The following SAMD8 variants were observed in gnomAD, a reference collection of about 807,000 sequenced individuals.
SAMD8 encodes sphingomyelin synthase-related protein 1.
In SAMD8, 20 loss-of-function variants were observed where a neutral mutation model predicts 42.0. The ratio of observed to expected loss-of-function variants is 0.48; its 90% CI spans 0.34 to 0.69. SAMD8 has a LOEUF of 0.69. SAMD8 is among the 30% of genes least tolerant of loss of function. The probability of loss-of-function intolerance (pLI) is 0.01; values close to 1 mark genes in which losing one functional copy is unlikely to be tolerated. For synonymous variants in SAMD8, 162 were observed against 173.0 expected, an observed-to-expected ratio of 0.94 and a Z score of 0.50; for missense variants, 328 against 511.6, an observed-to-expected ratio of 0.64 and a Z score of 3.46.
upstream of SAMD8, chr10:75,109,278 G>T: frequency 8.3e-7 from 1 of 1,210,140 alleles, no homozygotes; most frequent in South Asian, 1.7e-5. Context: ...GCAAGTCACA[G>T]GGGCCTCTGG....
intron 1 of SAMD8, among the ~76,000 whole-genome samples, chr10:75,132,377 A>T (rs1849292591): frequency 6.6e-6 from 1 of 152,172 alleles, no homozygotes; most frequent in Non-Finnish European, 1.5e-5. Flanking sequence ...AGTGTCTAGA[A>T]TTGGTTCTCT....
chr10:75,160,265 C>T (rs1030308618), intron 2 of SAMD8, among the ~76,000 whole-genome samples: 5 of 151,954 alleles, frequency 3.3e-5, no homozygotes, highest in Non-Finnish European at 4.4e-5. Context: ...GGCGCGATCT[C>T]GGCTCACTGC....
intron 1 of SAMD8, among the ~76,000 whole-genome samples, chr10:75,135,434 CAA>C (rs1361838492): frequency 7.3e-6 from 1 of 136,060 alleles, no homozygotes; most frequent in East Asian, 2.2e-4. Context: ...GCCTGGGCAA[CAA>C]GAGCGAAATT....
intron 1 of SAMD8, among the ~76,000 whole-genome samples, chr10:75,134,427 T>G (rs1428708304): frequency 2.0e-5 from 3 of 151,402 alleles, no homozygotes; most frequent in Non-Finnish European, 4.4e-5. Flanking sequence ...CTGAGGTCAG[T>G]AGTTAGAGAC....
chr10:75,136,756 G>A (rs895556399), intron 1 of SAMD8, among the ~76,000 whole-genome samples: 4 of 152,106 alleles, frequency 2.6e-5, no homozygotes, highest in African/African-American at 9.7e-5. Context: ...TAAAAACATA[G>A]GCAAAAGACT....
At chr10:75,104,221 G>T in intron 1 of SAMD8, 1 of 545,302 alleles carries the variant, frequency 1.8e-6, no homozygotes, top group Non-Finnish European at 2.9e-6. Context: ...CTGTGCATAA[G>T]GTCAAGTGAG....
chr10:75,113,329 T>G (rs1458455002), intron 1 of SAMD8, among the ~76,000 whole-genome samples: 1 of 152,186 alleles, frequency 6.6e-6, no homozygotes, highest in Non-Finnish European at 1.5e-5. Context: ...TTTATGTGAT[T>G]ATAGGTTTGT....
intron 1 of SAMD8, among the ~76,000 whole-genome samples, chr10:75,106,036 G>T (rs937483035): frequency 1.3e-5 from 2 of 151,802 alleles, no homozygotes; most frequent in African/African-American, 4.8e-5. Context: ...AAAATGGGTA[G>T]ATCAACACCT....
rs147312659 is a variant in SAMD8 at position 75,146,894 on chromosome 10, G to T, written c.-15-3620G>T. Among the ~76,000 whole-genome samples the T allele has an allele frequency of 3.4e-3, 514 of 152,154 alleles. 2 individuals are homozygous for T. Among genetic ancestry groups the T allele is most frequent in the African/African-American group, 0.011 (476 of 41,496 alleles). ...ACCTCTTTCATGCAGGCTTTCACAG[G>T]GTTAGCTAAGTAGTGATTTAGTATG... On this transcript the variant is annotated intron_variant, in intron 1 of 5. Transcript: ENST00000542569.
At chr10:75,148,345 G>GTTTTTTT (rs1564686963) in intron 1 of SAMD8, among the ~76,000 whole-genome samples, 1 of 104,010 alleles carries the variant, frequency 9.6e-6, no homozygotes, top group Admixed American at 1.1e-4. Context: ...AGCAATACCA[G>GTTTTTTT]CTTTTTTTTT....
Position 75,111,732 on chromosome 10 carries a change from AGCTGAG to A in SAMD8, c.-16+18_-16+23del. On this transcript the variant is annotated intron_variant, in intron 1 of 5. Transcript: ENST00000542569. ...GACTCGGACCGCGGAGGTGAGCGGG[AGCTGAG>A]GCTGAGGAGAGGGGAGCTTGGGGGG... 3 of 1,233,816 alleles carry A rather than the reference AGCTGAG, an allele frequency of 2.4e-6. No individual in the cohort carries two copies. Among genetic ancestry groups the A allele is most frequent in the Non-Finnish European group, 3.0e-6 (3 of 988,790 alleles). 76.4% of individuals were successfully genotyped at this position (1,233,816 alleles called of 1,614,324 possible). A position where few individuals can be genotyped will look rare whatever the true frequency, so the allele number is the denominator to read the frequency against.
chr10:75,171,866 A>T (rs1027980415), intron 4 of SAMD8, among the ~76,000 whole-genome samples: 11 of 152,042 alleles, frequency 7.2e-5, no homozygotes, highest in Non-Finnish European at 1.6e-4. Flanking sequence ...CTCTACTAAA[A>T]ATACAAATAA....
At chr10:75,107,893 A>T (rs757408400), upstream of SAMD8, 73 of 1,378,372 alleles carry the variant, frequency 5.3e-5, no homozygotes, top group Admixed American at 9.0e-4. Context: ...GAGGATTTTT[A>T]AAAAGCAGGG....
chr10:75,156,308 TGA>T (rs561451101), intron 2 of SAMD8, among the ~76,000 whole-genome samples: 4 of 151,814 alleles, frequency 2.6e-5, no homozygotes, highest in Admixed American at 6.6e-5. Context: ...AATTGTGGGG[TGA>T]GAGGGGAAGC....
intron 2 of SAMD8, 113 bp from the exon 3 acceptor site, chr10:75,164,532 T>G: frequency 6.9e-7 from 1 of 1,458,692 alleles, no homozygotes; most frequent in South Asian, 1.5e-5. Context: ...CTGTAAGAGA[T>G]AAGTTATATA....
chr10:75,111,328 T>C, upstream of SAMD8: 1 of 391,862 alleles, frequency 2.6e-6, no homozygotes, highest in East Asian at 3.9e-5. Context: ...CGCTTCCTCC[T>C]GTCGCTTTGG....
At chr10:75,126,096 TTTTA>T (rs758985853) in intron 1 of SAMD8, among the ~76,000 whole-genome samples, 6 of 152,316 alleles carry the variant, frequency 3.9e-5, no homozygotes, top group Non-Finnish European at 5.9e-5. Flanking sequence ...ATACTTTTAT[TTTTA>T]TTTATTGATC....
rs755835598 is a variant in SAMD8, at chr10:75,176,131, C to T, written c.858C>T (p.Thr286=). The change falls in exon 5 of 6, where the codon ACC becomes ACT. Residue 286 remains threonine (T), a synonymous_variant. Coordinates refer to ENST00000542569, the MANE Select transcript of SAMD8 (RefSeq NM_001174156.2). This position sits in a 1 kb window ranked among gnomAD's most constrained non-coding sequence, Gnocchi z 4.3. ...AFAIWSGFGM[T]LTGVHTCGDY... ...CCATTTGGAGTGGCTTTGGTATGAC[C>T]CTGACTGGCGTTCACACATGTGGAG... The T allele has an allele frequency of 1.1e-5, 17 of 1,614,142 alleles. No individual in the cohort carries two copies. Among genetic ancestry groups the T allele is most frequent in the Admixed American group, 8.3e-5 (5 of 60,012 alleles).
At chr10:75,147,922 T>C (rs1336398801) in intron 1 of SAMD8, among the ~76,000 whole-genome samples, 1 of 152,128 alleles carries the variant, frequency 6.6e-6, no homozygotes, top group Admixed American at 6.5e-5. Flanking sequence ...TCTTTGACAT[T>C]TGAGGTGGTG....
Sources: gnomAD v4.1 joint callset for allele counts (sites outside exome capture counted in the v4.1 genomes callset) on GRCh38, gnomAD v4.1.1 for gene constraint, Gnocchi (gnomAD v3.1) non-coding constraint, MANE v1.5 for transcripts, NCBI Gene and HGNC (gene_info 2026-07-23, HGNC 2026-07-21) for gene names.